The following MTNR1B variants were observed in gnomAD, a reference collection of about 807,000 sequenced individuals.
The protein encoded by MTNR1B is melatonin receptor type 1B.
MTNR1B carries 7 observed loss-of-function variants against 7.0 expected under a neutral mutation model. That is an observed-to-expected ratio of 1.00 (90% CI 0.57 to 1.88). MTNR1B has a LOEUF of 1.88. MTNR1B is among the 40% of genes most tolerant of loss of function. The probability of loss-of-function intolerance (pLI) is 0.00; values close to 1 mark genes in which losing one functional copy is unlikely to be tolerated. For missense variants in MTNR1B, 478 were observed against 486.5 expected (o/e 0.98, Z 0.16); for synonymous variants, 226 against 208.2 (o/e 1.09, Z -0.74).
chr11:92,972,515 A>G (rs1857947074), intron 1 of MTNR1B: 1 of 456,126 alleles, frequency 2.2e-6, no homozygotes, highest in Non-Finnish European at 4.4e-6. Flanking sequence ...CTTCAGAGAT[A>G]GCACCAGAGA....
Position 92,982,330 on chromosome 11 carries a change from C to T in MTNR1B, c.*18C>T, listed in dbSNP as rs776682057. On this transcript the variant is annotated 3_prime_UTR_variant, in exon 2 of 2. Coordinates refer to ENST00000257068, the MANE Select transcript of MTNR1B (RefSeq NM_005959.5). The stretch of plus-strand genomic sequence containing the variant: ...CTCTCTAGCCTGGATCTGAGGCACA[C>T]CAGCAGCATGACAAACTCATGAAAT... 2.5e-6 allele frequency: 4 copies of T among 1,596,642 alleles called. No individual in the cohort carries two copies. In the South Asian group the frequency reaches 3.4e-5, roughly 14 times the overall value.
chr11:92,970,255 C>T (rs576652362), intron 1 of MTNR1B, among the ~76,000 whole-genome samples: 1 of 152,210 alleles, frequency 6.6e-6, no homozygotes, highest in African/African-American at 2.4e-5. Context: ...GCTACCCCGT[C>T]GCGCTCCAAT....
chr11:92,982,250 G>T lies in MTNR1B; in HGVS notation c.1027G>T (p.Glu343Ter). The change falls in exon 2 of 2, where the codon GAG becomes TAG. Residue 343 changes from glutamate to a stop codon, truncating the protein, a stop_gained. Transcript: ENST00000257068. LOFTEE classifies it low-confidence loss of function (END_TRUNC). ...IQDASKGSHA[E>*]GLQSPAPPII... is the part of the protein sequence containing the mutation. ...AGATGCTTCCAAGGGCAGCCACGCG[G>T]AGGGGCTGCAGAGCCCAGCTCCACC... The T allele has an allele frequency of 6.2e-7, 1 of 1,614,196 alleles. No individual in the cohort carries two copies. Among genetic ancestry groups the T allele is most frequent in the Non-Finnish European group, 8.5e-7 (1 of 1,180,028 alleles).
At chr11:92,983,772 G>A (rs1398202639), downstream of MTNR1B, among the ~76,000 whole-genome samples, 1 of 152,158 alleles carries the variant, frequency 6.6e-6, no homozygotes, top group Non-Finnish European at 1.5e-5. Context: ...CCTCTGCAAG[G>A]TCACAGTCTG....
chr11:92,982,358 T>G lies in MTNR1B; in HGVS notation c.*46T>G. 1 of 1,574,268 alleles carries G rather than the reference T, an allele frequency of 6.4e-7. No individual in the cohort carries two copies. Among genetic ancestry groups the G allele is most frequent in the Non-Finnish European group, 8.6e-7 (1 of 1,162,718 alleles). ...GCAGCATGACAAACTCATGAAATGG[T>G]GGGAGAGAGTCTGCTGCAAGGGTGA... On this transcript the variant is annotated 3_prime_UTR_variant, in exon 2 of 2. Transcript: ENST00000257068.
intron 1 of MTNR1B, among the ~76,000 whole-genome samples, chr11:92,973,331 G>A (rs1329604625): frequency 6.6e-6 from 1 of 152,074 alleles, no homozygotes; most frequent in Non-Finnish European, 1.5e-5. Flanking sequence ...GTGCTTGAGA[G>A]CTTTTCCTGC....
At chr11:92,980,339 AGGT>A (rs2136516573) in intron 1 of MTNR1B, among the ~76,000 whole-genome samples, 1 of 152,376 alleles carries the variant, frequency 6.6e-6, no homozygotes, top group South Asian at 2.1e-4. Context: ...AGCATACAGT[AGGT>A]ATTCAAAAAG....
At chr11:92,971,159 C>A (rs1244998208) in intron 1 of MTNR1B, among the ~76,000 whole-genome samples, 1 of 152,086 alleles carries the variant, frequency 6.6e-6, no homozygotes, top group East Asian at 1.9e-4. Flanking sequence ...CAGTATTTCA[C>A]CATGTTGGCC....
intron 1 of MTNR1B, among the ~76,000 whole-genome samples, chr11:92,972,810 C>T (rs888423834): frequency 6.6e-6 from 1 of 152,106 alleles, no homozygotes; most frequent in African/African-American, 2.4e-5. Context: ...CATTTTTGAG[C>T]TCTTCCTTTC....
downstream of MTNR1B, chr11:92,984,691 C>T (rs961763670): frequency 5.9e-6 from 2 of 341,208 alleles, no homozygotes; most frequent in African/African-American, 4.3e-5. Flanking sequence ...ATGGCACGTG[C>T]TCAGTAAATA....
rs774111498 is a variant in MTNR1B, at chr11:92,981,576, T to C, written c.353T>C (p.Phe118Ser). Reference protein sequence around the residue: ...LGEEHCKASAFVMGLSVIGSV... With the variant: ...LGEEHCKASASVMGLSVIGSV... Reference sequence around the variant, plus strand: ...GAGGAGCACTGCAAGGCCAGCGCCTTTGTGATGGGCCTGAGCGTCATCGGC... The same window carrying C: ...GAGGAGCACTGCAAGGCCAGCGCCTCTGTGATGGGCCTGAGCGTCATCGGC... The change falls in exon 2 of 2, where the codon TTT (phenylalanine) becomes TCT (serine). Residue 118 changes from phenylalanine (F) to serine (S), a missense_variant. Phe to Ser is a radical substitution (Grantham distance 155). Transcript: ENST00000257068. The C allele has an allele frequency of 6.2e-7, 1 of 1,614,152 alleles. No individual in the cohort carries two copies. The highest frequency in any genetic ancestry group is 1.1e-5 in the South Asian group (1 of 91,072).
chr11:92,969,858 G>A lies in MTNR1B; in HGVS notation c.133G>A (p.Ala45Thr). 1 of 1,611,000 alleles carries A rather than the reference G, an allele frequency of 6.2e-7. No individual in the cohort carries two copies. Among genetic ancestry groups the A allele is most frequent in the South Asian group, 1.1e-5 (1 of 90,208 alleles). The change falls in exon 1 of 2, where the codon GCG (alanine) becomes ACG (threonine). Residue 45 changes from alanine (A) to threonine (T), a missense_variant. Transcript: ENST00000257068. ...TCCCTGGGTGGCTCCAGCGCTGTCC[G>A]CGGTGCTCATCGTCACCACCGCCGT... Reference protein sequence around the residue: ...RPPWVAPALSAVLIVTTAVDV... With the variant: ...RPPWVAPALSTVLIVTTAVDV...
rs374777421 is a variant in MTNR1B, at chr11:92,969,711, G to T, written c.-15G>T. 4 of 1,461,796 alleles carry T rather than the reference G, an allele frequency of 2.7e-6. No homozygotes were observed. The highest frequency in any genetic ancestry group is 2.9e-5 in the African/African-American group (2 of 69,042). The allele number at this position is 1,461,796 out of a possible 1,614,324, so 90.6% of individuals were successfully genotyped here. A position where few individuals can be genotyped will look rare whatever the true frequency, so the allele number is the denominator to read the frequency against. On this transcript the variant is annotated 5_prime_UTR_variant, in exon 1 of 2. Coordinates refer to ENST00000257068, the MANE Select transcript of MTNR1B (RefSeq NM_005959.5). ...GGCCGCGCGGTGGCCAAAGCACAGC[G>T]CGGGAGAGTCTGCGATGTCAGAGAA...
chr11:92,980,804 C>G (rs1289528411), intron 1 of MTNR1B, among the ~76,000 whole-genome samples: 2 of 152,198 alleles, frequency 1.3e-5, no homozygotes, highest in African/African-American at 2.4e-5. Flanking sequence ...GGCCACAAGG[C>G]TGGGAGTACT....
chr11:92,970,467 A>T (rs1857906715), intron 1 of MTNR1B, among the ~76,000 whole-genome samples: 1 of 152,246 alleles, frequency 6.6e-6, no homozygotes, highest in Non-Finnish European at 1.5e-5. Flanking sequence ...TGAAGACCCA[A>T]TTCCAGTTGA....
rs918803008 is a variant in MTNR1B, at chr11:92,981,370, T to A, written c.224-77T>A. 5.2e-6 allele frequency: 8 copies of A among 1,526,636 alleles called. No homozygotes were observed. The African/African-American group carries it at 1.1e-4, about 21-fold the overall frequency. The allele number at this position is 1,526,636 out of a possible 1,614,324, so 94.6% of individuals were successfully genotyped here. On this transcript the variant is annotated intron_variant, in intron 1 of 1. Coordinates refer to ENST00000257068, the MANE Select transcript of MTNR1B (RefSeq NM_005959.5). ...TTCCACTCACATTGCCAAAAGTAAC[T>A]TCGTGGAGGGTAGGATGTTCTACAG...
Position 92,969,808 on chromosome 11 carries a change from C to G in MTNR1B, c.83C>G (p.Ala28Gly), listed in dbSNP as rs764087177. 2 of 1,568,062 alleles carry G rather than the reference C, an allele frequency of 1.3e-6. No individual in the cohort carries two copies. The highest frequency in any genetic ancestry group is 1.7e-6 in the Non-Finnish European group (2 of 1,156,490). ...CCGGGCTGGTCGGGGGCTGGCAGCG[C>G]GCGGCCCTCCAGGACCCCTCGACCT... Reference protein sequence around the residue: ...VRPGWSGAGSARPSRTPRPPW... With the variant: ...VRPGWSGAGSGRPSRTPRPPW... The change falls in exon 1 of 2, where the codon GCG becomes GGG. Residue 28 changes from alanine (A) to glycine (G), a missense_variant. Ala to Gly is a moderately conservative substitution (Grantham distance 60). Transcript: ENST00000257068.
chr11:92,981,803 C>G lies in MTNR1B; in HGVS notation c.580C>G (p.Gln194Glu). Residue 194 changes from glutamine to glutamate, a missense_variant, in exon 2 of 2, where the codon CAG (glutamine) becomes GAG (glutamate). Coordinates refer to ENST00000257068, the MANE Select transcript of MTNR1B (RefSeq NM_005959.5). ...DPRIYSCTFIQTASTQYTAAV... is the reference protein window; with the variant it reads ...DPRIYSCTFIETASTQYTAAV... ...ACGCATCTATTCCTGCACCTTCATC[C>G]AGACCGCCAGCACCCAGTACACGGC... 6.2e-7 allele frequency: 1 copy of G among 1,614,208 alleles called. No homozygotes were observed. Among genetic ancestry groups the G allele is most frequent in the Non-Finnish European group, 8.5e-7 (1 of 1,180,046 alleles).
At position 92,982,686 on chromosome 11, in the gene MTNR1B, G is replaced by A. The variant is rs1367465908; in HGVS notation, c.*374G>A. The A allele has an allele frequency of 2.4e-5, 6 of 249,014 alleles. No individual in the cohort carries two copies. Among genetic ancestry groups the A allele is most frequent in the Non-Finnish European group, 4.6e-5 (6 of 130,098 alleles). The allele number at this position is 249,014 out of a possible 1,614,324, so 15.4% of individuals were successfully genotyped here. ...GCTTTCTCCCCTTCCCCCCAGCGTG[G>A]CAGGATCTCTTCCTGTTAGCAAGGA... On this transcript the variant is annotated 3_prime_UTR_variant, in exon 2 of 2. Coordinates refer to ENST00000257068, the MANE Select transcript of MTNR1B (RefSeq NM_005959.5).
Sources: gnomAD v4.1 joint callset for allele counts (sites outside exome capture counted in the v4.1 genomes callset) on GRCh38, gnomAD v4.1.1 for gene constraint, MANE v1.5 for transcripts, NCBI Gene and HGNC (gene_info 2026-07-23, HGNC 2026-07-21) for gene names.